DOCK2: variants seen among roughly 807,000 people sequenced by gnomAD.
DOCK2 encodes the protein dedicator of cytokinesis protein 2.
Under a neutral mutation model 248.9 loss-of-function variants are expected in DOCK2, and 87 were observed. That is an observed-to-expected ratio of 0.35 (90% CI 0.29 to 0.42). DOCK2 has a LOEUF of 0.42. DOCK2 is among the 10% of genes least tolerant of loss of function. DOCK2 has a pLI of 1.00. For synonymous variants in DOCK2, 805 were observed against 821.6 expected, an observed-to-expected ratio of 0.98 and a Z score of 0.35; for missense variants, 1,747 against 2,300.2, an observed-to-expected ratio of 0.76 and a Z score of 4.92.
At chr5:169,864,199 G>A in intron 27 of DOCK2, 1 of 1,303,672 alleles carries the variant, frequency 7.7e-7, no homozygotes, top group African/African-American at 1.5e-5. Context: ...AGCAGGGCAG[G>A]CCTTAAGTGC....
At chr5:170,049,303 C>T (rs6862300) in intron 40 of DOCK2, among the ~76,000 whole-genome samples, 6,031 of 152,248 alleles carry the variant, frequency 0.04, 230 homozygotes, top group African/African-American at 0.1. Flanking sequence ...TTAGTAGAGA[C>T]GGTGTTTCAC....
At chr5:169,828,502 C>A (rs1234473436) in intron 26 of DOCK2, among the ~76,000 whole-genome samples, 1 of 152,120 alleles carries the variant, frequency 6.6e-6, no homozygotes. Context: ...TTTGGGGAAA[C>A]CCTGCTGAGG....
At chr5:170,036,370 C>A (rs951830689) in intron 35 of DOCK2, 145 bp from the exon 36 acceptor site, 10 of 780,710 alleles carry the variant, frequency 1.3e-5, no homozygotes, top group East Asian at 2.6e-5. Context: ...ATCTTTGGGG[C>A]ATCCAGGAAA....
chr5:169,909,361 T>C (rs1403251769), intron 27 of DOCK2, among the ~76,000 whole-genome samples: 1 of 152,206 alleles, frequency 6.6e-6, no homozygotes, highest in African/African-American at 2.4e-5. Flanking sequence ...TCAGAGTGAT[T>C]AAGGAAATGA....
At chr5:169,776,832 G>A (rs140597589) in intron 25 of DOCK2, among the ~76,000 whole-genome samples, 141 of 152,258 alleles carry the variant, frequency 9.3e-4, no homozygotes, top group African/African-American at 3.2e-3. Flanking sequence ...TTTGCCTTCC[G>A]CCATGATTGT....
Position 169,925,578 on chromosome 5 carries a change from T to TAAAAAAAA in DOCK2, c.2800-57490_2800-57489insAAAAAAAA, listed in dbSNP as rs1561828965. ...CTGGGCGACAGAGCAAGACTCTGTC[T>TAAAAAAAA]TAAAAAAAAAAAAAAAAAAAAAAAA... is the stretch of plus-strand genomic sequence containing the variant. On this transcript the variant is annotated intron_variant, in intron 27 of 51. Transcript: ENST00000520908. Among the ~76,000 whole-genome samples the TAAAAAAAA allele has an allele frequency of 1.2e-4, 4 of 32,324 alleles. 2 individuals are homozygous for TAAAAAAAA. Among genetic ancestry groups the TAAAAAAAA allele is most frequent in the African/African-American group, 2.6e-4 (2 of 7,838 alleles). 21.2% of individuals were successfully genotyped at this position (32,324 alleles called of 152,430 possible).
intron 44 of DOCK2, among the ~76,000 whole-genome samples, chr5:170,062,334 C>A (rs1262446304): frequency 6.6e-6 from 1 of 152,048 alleles, no homozygotes; most frequent in Non-Finnish European, 1.5e-5. Context: ...CCCTCCACCC[C>A]CAAATGCACC....
chr5:169,830,275 A>C (rs1769135405), intron 26 of DOCK2, among the ~76,000 whole-genome samples: 1 of 152,242 alleles, frequency 6.6e-6, no homozygotes. Context: ...CATGTAAAGC[A>C]CTTATCATAA....
chr5:169,710,616 C>T (rs1452440505), intron 15 of DOCK2, among the ~76,000 whole-genome samples: 1 of 152,190 alleles, frequency 6.6e-6, no homozygotes, highest in Non-Finnish European at 1.5e-5. Flanking sequence ...GATATCTCTG[C>T]CTTATCATTA....
At chr5:170,063,840 C>A (rs1205467261) in intron 44 of DOCK2, among the ~76,000 whole-genome samples, 2 of 152,192 alleles carry the variant, frequency 1.3e-5, no homozygotes, top group Admixed American at 1.3e-4. Context: ...GAGGGTGCGG[C>A]CTGAACCTGA....
intron 44 of DOCK2, among the ~76,000 whole-genome samples, chr5:170,058,990 C>T (rs758698344): frequency 6.6e-6 from 1 of 152,106 alleles, no homozygotes; most frequent in Non-Finnish European, 1.5e-5. Context: ...TCATTTCAAC[C>T]CCTCAGCAAC....
At chr5:169,948,873 T>C (rs1776549737) in intron 27 of DOCK2, among the ~76,000 whole-genome samples, 1 of 152,064 alleles carries the variant, frequency 6.6e-6, no homozygotes, top group African/African-American at 2.4e-5. Flanking sequence ...CACCTGGTCA[T>C]TCGTCCCTGC....
intron 26 of DOCK2, among the ~76,000 whole-genome samples, chr5:169,821,015 A>T (rs1348838653): frequency 6.6e-6 from 1 of 152,224 alleles, no homozygotes; most frequent in Non-Finnish European, 1.5e-5. Flanking sequence ...AAGAACGGGT[A>T]TCTGTGATGG....
intron 27 of DOCK2, among the ~76,000 whole-genome samples, chr5:169,936,705 C>T (rs259905): frequency 0.3 from 45,569 of 151,176 alleles, 7,489 homozygotes; most frequent in African/African-American, 0.42. Context: ...CTGGGGGGCG[C>T]GCTCCAGCCT....
At chr5:169,643,076 T>C (rs1168576283) in intron 1 of DOCK2, among the ~76,000 whole-genome samples, 1 of 152,168 alleles carries the variant, frequency 6.6e-6, no homozygotes, top group African/African-American at 2.4e-5. Flanking sequence ...ACACCACAAA[T>C]GTTCCCTTTA....
At chr5:169,776,426 A>G (rs890963788) in intron 25 of DOCK2, among the ~76,000 whole-genome samples, 11 of 152,058 alleles carry the variant, frequency 7.2e-5, no homozygotes, top group African/African-American at 2.2e-4. Context: ...CAGCCTCCCA[A>G]AGTGCTGGGA....
chr5:169,796,740 T>G (rs1290321691), intron 25 of DOCK2, among the ~76,000 whole-genome samples: 1 of 152,120 alleles, frequency 6.6e-6, no homozygotes. Flanking sequence ...GACATCTAAG[T>G]TAACAGCTAG....
intron 25 of DOCK2, among the ~76,000 whole-genome samples, chr5:169,785,528 C>T (rs757434645): frequency 1.3e-5 from 2 of 152,164 alleles, no homozygotes; most frequent in Non-Finnish European, 2.9e-5. Context: ...ATATTTCTTT[C>T]ATCTATAATT....
At chr5:169,721,400 T>C (rs1375026907) in intron 22 of DOCK2, among the ~76,000 whole-genome samples, 1 of 152,204 alleles carries the variant, frequency 6.6e-6, no homozygotes, top group Non-Finnish European at 1.5e-5. Flanking sequence ...TTGTGTCTTG[T>C]TCTTTTTAGA....
Sources: gnomAD v4.1 joint callset for allele counts (sites outside exome capture counted in the v4.1 genomes callset) on GRCh38, gnomAD v4.1.1 for gene constraint, MANE v1.5 for transcripts, NCBI Gene and HGNC (gene_info 2026-07-23, HGNC 2026-07-21) for gene names.